The following ROCK2 variants were observed in gnomAD, a reference collection of about 807,000 sequenced individuals.
The protein encoded by ROCK2 is rho-associated protein kinase 2.
Under a neutral mutation model 195.1 loss-of-function variants are expected in ROCK2, and 61 were observed. The ratio of observed to expected loss-of-function variants is 0.31; its 90% CI spans 0.25 to 0.39. The LOEUF (loss-of-function observed/expected upper bound fraction) is 0.39, where lower values mean the gene tolerates loss of function less well. Among genes scored for constraint, ROCK2 ranks in the 10% least tolerant of loss-of-function variants. ROCK2 has a pLI of 1.00. For missense variants in ROCK2, 1,109 were observed against 1,637.4 expected (o/e 0.68, Z 5.57); for synonymous variants, 504 against 545.5 (o/e 0.92, Z 1.06).
At position 11,251,892 on chromosome 2, in the gene ROCK2, A is replaced by T. The variant is rs1375685096; in HGVS notation, c.325-2094T>A. Among the ~76,000 whole-genome samples the T allele has an allele frequency of 2.0e-5, 3 of 152,344 alleles. No individual in the cohort carries two copies. The East Asian group carries it at 5.8e-4, about 29-fold the overall frequency. ...ACCTCTCAAAAGAAGACATTTATGCAGCCAACAAACATGAAAAAAAGCTCA... is the reference window on the plus strand; with the variant it reads ...ACCTCTCAAAAGAAGACATTTATGCTGCCAACAAACATGAAAAAAAGCTCA... On this transcript the variant is annotated intron_variant, in intron 3 of 32. Transcript: ENST00000315872.
intron 6 of ROCK2, among the ~76,000 whole-genome samples, chr2:11,226,508 G>T (rs1230842019): frequency 6.6e-6 from 1 of 151,970 alleles, no homozygotes; most frequent in Non-Finnish European, 1.5e-5. Flanking sequence ...AGTTGTTTAC[G>T]AAATCAATTA....
chr2:11,223,789 C>T (rs1664717669), intron 7 of ROCK2, among the ~76,000 whole-genome samples: 1 of 152,024 alleles, frequency 6.6e-6, no homozygotes, highest in East Asian at 1.9e-4. Flanking sequence ...AGTTTTCTAG[C>T]TTATCTTTTG....
intron 3 of ROCK2, among the ~76,000 whole-genome samples, chr2:11,275,150 G>A (rs930704219): frequency 1.3e-5 from 2 of 151,854 alleles, no homozygotes; most frequent in African/African-American, 2.4e-5. Flanking sequence ...CCAGCTATTC[G>A]GGAGGCTAAG....
In ROCK2 at chr2:11,179,876, A is replaced by G. The variant is rs541727597; in HGVS notation, c.*3561T>C. On this transcript the variant is annotated 3_prime_UTR_variant, in exon 33 of 33. Transcript: ENST00000315872. ...ATTTTAAAAAAGAAAAAGGGGTGCA[A>G]TTTTTTTCAGAGAGGACAGCTGATC... 111 of 152,198 alleles carry G rather than the reference A, an allele frequency of 7.3e-4. No individual in the cohort carries two copies. Among genetic ancestry groups the G allele is most frequent in the African/African-American group, 2.6e-3 (106 of 41,528 alleles). The allele number at this position is 152,198 out of a possible 1,614,324, so 9.4% of individuals were successfully genotyped here. A position where few individuals can be genotyped will look rare whatever the true frequency, so the allele number is the denominator to read the frequency against.
chr2:11,331,039 G>GGAGGGAGGAA (rs1668748061), intron 1 of ROCK2, among the ~76,000 whole-genome samples: 1 of 129,990 alleles, frequency 7.7e-6, no homozygotes, highest in Admixed American at 7.5e-5. Flanking sequence ...GGAGGGAGGA[G>GGAGGGAGGAA]GAGGGAGGAG....
At chr2:11,188,052 TTAAAAGAAAAATAA>T (rs1191980524) in intron 32 of ROCK2, among the ~76,000 whole-genome samples, 1 of 152,064 alleles carries the variant, frequency 6.6e-6, no homozygotes, top group East Asian at 1.9e-4. Flanking sequence ...AAAAAAATCT[TTAAAAGAAAAATAA>T]TTAAAGAGAA....
chr2:11,273,147 A>G (rs1390527455), intron 3 of ROCK2, among the ~76,000 whole-genome samples: 3 of 151,776 alleles, frequency 2.0e-5, no homozygotes, highest in Non-Finnish European at 4.4e-5. Flanking sequence ...AAATAGCAAA[A>G]TAACAGAAAT....
chr2:11,306,802 C>T (rs188894209), intron 1 of ROCK2, among the ~76,000 whole-genome samples: 76 of 152,270 alleles, frequency 5.0e-4, no homozygotes, highest in Non-Finnish European at 2.1e-4. Context: ...GCAAGCAAAG[C>T]CATAATACTG....
chr2:11,309,821 T>C (rs534587174), intron 1 of ROCK2, among the ~76,000 whole-genome samples: 1 of 151,814 alleles, frequency 6.6e-6, no homozygotes, highest in East Asian at 1.9e-4. Context: ...CTCTACAAAA[T>C]ATACAAAAAT....
chr2:11,223,427 A>T (rs1318394400), intron 7 of ROCK2, among the ~76,000 whole-genome samples: 1 of 152,148 alleles, frequency 6.6e-6, no homozygotes, highest in African/African-American at 2.4e-5. Flanking sequence ...TCCACCTTTA[A>T]GATTTTATCC....
At chr2:11,183,639 CA>C (rs1663088216) in intron 32 of ROCK2, among the ~76,000 whole-genome samples, 199 bp from the exon 33 acceptor site, 1 of 152,048 alleles carries the variant, frequency 6.6e-6, no homozygotes, top group African/African-American at 2.4e-5. Context: ...TATTCTTTCC[CA>C]AAACAACTTG....
In ROCK2 at chr2:11,201,049, C is replaced by T. The variant is rs1243257279; in HGVS notation, c.2818G>A (p.Glu940Lys). The T allele has an allele frequency of 6.2e-7, 1 of 1,613,256 alleles. No homozygotes were observed. Among genetic ancestry groups the T allele is most frequent in the Admixed American group, 1.7e-5 (1 of 59,950 alleles). ...AGCTCTTTCATGATCTTCTCTTTTTCCAAATCAGAATATTGTTCTTCAGCA... is the reference window on the plus strand; with the variant it reads ...AGCTCTTTCATGATCTTCTCTTTTTTCAAATCAGAATATTGTTCTTCAGCA... ...SIAEEQYSDL[E>K]KEKIMKELEI... The change falls in exon 23 of 33, where the codon GAA becomes AAA. Residue 940 changes from glutamate to lysine, a missense_variant. This residue lies in a region of ROCK2 where 542 missense variants were observed against 672.0 expected (regional missense o/e 0.81). Coordinates refer to ENST00000315872, the MANE Select transcript of ROCK2 (RefSeq NM_004850.5). This position sits in a 1 kb window ranked among gnomAD's most constrained non-coding sequence, Gnocchi z 4.6.
intron 3 of ROCK2, among the ~76,000 whole-genome samples, chr2:11,252,948 A>AATG (rs1443527904): frequency 9.7e-5 from 12 of 123,130 alleles, no homozygotes; most frequent in Non-Finnish European, 1.9e-4. Context: ...GTATAATAAT[A>AATG]ATAATAATAA....
In ROCK2 at chr2:11,181,181, A is replaced by AAAATAT. The variant is rs894347975; in HGVS notation, c.*2255_*2256insATATTT. The AAAATAT allele has an allele frequency of 2.2e-5, 3 of 136,152 alleles. No individual in the cohort carries two copies. The highest frequency in any genetic ancestry group is 4.2e-4 in the East Asian group (2 of 4,778). 8.4% of individuals were successfully genotyped at this position (136,152 alleles called of 1,614,324 possible). A position where few individuals can be genotyped will look rare whatever the true frequency, so the allele number is the denominator to read the frequency against. On this transcript the variant is annotated 3_prime_UTR_variant, in exon 33 of 33. Transcript: ENST00000315872. ...TTTCACCTTAATAAAGTTTATTAAA[A>AAAATAT]ATATATATATATATATATATATATA... is the stretch of plus-strand genomic sequence containing the variant.
chr2:11,302,111 C>T (rs1572383322), intron 1 of ROCK2, among the ~76,000 whole-genome samples: 1 of 152,144 alleles, frequency 6.6e-6, no homozygotes, highest in East Asian at 1.9e-4. Flanking sequence ...CGGCCAGCAA[C>T]TATGGTTTAA....
chr2:11,313,153 T>A (rs1668087499), intron 1 of ROCK2, among the ~76,000 whole-genome samples: 1 of 152,146 alleles, frequency 6.6e-6, no homozygotes, highest in Admixed American at 6.5e-5. Flanking sequence ...CAACATTGGT[T>A]CATTAACTGT....
rs367590981 is a variant in ROCK2, at chr2:11,192,342, C to T, written c.3969G>A (p.Thr1323=). 197 of 1,611,138 alleles carry T rather than the reference C, an allele frequency of 1.2e-4. No individual in the cohort carries two copies. Among genetic ancestry groups the T allele is most frequent in the Non-Finnish European group, 1.5e-4 (175 of 1,178,832 alleles). ...TTGCTAGTAATAACAGATTCTTTGC[C>T]GTTGAAATATCATAATATACTATAA... The part of the protein sequence containing the change: ...APCKVYYDIS[T]AKNLLLLANS... The change falls in exon 32 of 33, where the codon ACG becomes ACA. Residue 1323 remains threonine, a synonymous_variant. Coordinates refer to ENST00000315872, the MANE Select transcript of ROCK2 (RefSeq NM_004850.5). This position sits in a 1 kb window ranked among gnomAD's most constrained non-coding sequence, Gnocchi z 5.0.
At chr2:11,186,183 T>G (rs1248070265) in intron 32 of ROCK2, among the ~76,000 whole-genome samples, 2 of 152,192 alleles carry the variant, frequency 1.3e-5, no homozygotes, top group Non-Finnish European at 2.9e-5. Flanking sequence ...ATATAATTAC[T>G]CACTGAACAC....
intron 1 of ROCK2, among the ~76,000 whole-genome samples, chr2:11,291,383 C>T (rs1667358194): frequency 6.6e-6 from 1 of 152,160 alleles, no homozygotes; most frequent in South Asian, 2.1e-4. Flanking sequence ...AACCCCATCT[C>T]TACCAAAAAT....
Sources: gnomAD v4.1 joint callset for allele counts (sites outside exome capture counted in the v4.1 genomes callset) on GRCh38, gnomAD v4.1.1 for gene constraint, gnomAD v4.1.1 regional missense constraint, Gnocchi (gnomAD v3.1) non-coding constraint, MANE v1.5 for transcripts, NCBI Gene and HGNC (gene_info 2026-07-23, HGNC 2026-07-21) for gene names.